Variants in CHN1 observed in about 807,000 individuals in gnomAD.
The protein encoded by CHN1 is chimerin 1.
In CHN1, 37 loss-of-function variants were observed where a neutral mutation model predicts 59.5. That is an observed-to-expected ratio of 0.62 (90% CI 0.48 to 0.82). The LOEUF (loss-of-function observed/expected upper bound fraction) is 0.82, where lower values mean the gene tolerates loss of function less well. CHN1 is among the 40% of genes least tolerant of loss of function. CHN1 has a pLI of 0.00. For missense variants in CHN1, 469 were observed against 571.0 expected (o/e 0.82, Z 1.82); for synonymous variants, 206 against 200.4 (o/e 1.03, Z -0.24).
chr2:174,949,140 C>T (rs1429528654), intron 2 of CHN1, among the ~76,000 whole-genome samples: 1 of 152,042 alleles, frequency 6.6e-6, no homozygotes, highest in African/African-American at 2.4e-5. Flanking sequence ...CCTTAAGGTA[C>T]AATTAATAAA....
chr2:174,957,457 GCA>G lies in CHN1; in HGVS notation c.20-5257_20-5256del, dbSNP rs1177726253. 1.4e-4 allele frequency among the ~76,000 whole-genome samples: 17 copies of G among 121,318 alleles called. 1 individual carries two copies. The highest frequency in any genetic ancestry group is 5.0e-4 in the African/African-American group (16 of 32,050). 79.6% of individuals were successfully genotyped at this position (121,318 alleles called of 152,430 possible). A position where few individuals can be genotyped will look rare whatever the true frequency, so the allele number is the denominator to read the frequency against. ...TAGGGTGTGTGTGTTGGGGGGGGGG[GCA>G]GTTAATTATATTGAAGTTTGTCTTA... On this transcript the variant is annotated intron_variant, in intron 1 of 12. Coordinates refer to ENST00000409900, the MANE Select transcript of CHN1 (RefSeq NM_001822.7).
chr2:174,800,426 AT>A (rs1186590652), intron 12 of CHN1, 139 bp from the exon 13 acceptor site: 1 of 558,604 alleles, frequency 1.8e-6, no homozygotes, highest in Non-Finnish European at 2.9e-6. Flanking sequence ...TTTCTCTGTA[AT>A]TTCAAAGTAC....
intron 5 of CHN1, among the ~76,000 whole-genome samples, chr2:174,881,817 G>A (rs1470320890): frequency 6.6e-6 from 1 of 152,184 alleles, no homozygotes; most frequent in African/African-American, 2.4e-5. Flanking sequence ...TAAATAGAGT[G>A]GGAAGACAAC....
In CHN1 at chr2:174,800,297, G is replaced by T. The variant is rs1380888642; in HGVS notation, c.1209-10C>A. On this transcript the variant is annotated splice_polypyrimidine_tract_variant and intron_variant, in intron 12 of 12. Coordinates refer to ENST00000409900, the MANE Select transcript of CHN1 (RefSeq NM_001822.7). ...TTCGTGGAGGGTCACTCTGAAAAAT[G>T]CAAGTACAGGAATAAATGACTTTGT... The T allele has an allele frequency of 1.4e-6, 2 of 1,428,590 alleles. No individual in the cohort carries two copies. Among genetic ancestry groups the T allele is most frequent in the Non-Finnish European group, 1.8e-6 (2 of 1,088,852 alleles). The allele number at this position is 1,428,590 out of a possible 1,614,324, so 88.5% of individuals were successfully genotyped here.
At chr2:174,986,318 A>C (rs1050021121) in intron 1 of CHN1, among the ~76,000 whole-genome samples, 4 of 152,236 alleles carry the variant, frequency 2.6e-5, no homozygotes, top group African/African-American at 9.6e-5. Context: ...TTTTTCATAA[A>C]ATATAAACCA....
At chr2:174,881,766 C>T (rs950057649) in intron 5 of CHN1, among the ~76,000 whole-genome samples, 3 of 152,190 alleles carry the variant, frequency 2.0e-5, no homozygotes, top group African/African-American at 7.2e-5. Context: ...GTGAAATTTT[C>T]TCCTGGATGT....
chr2:174,870,112 G>A (rs892846641), intron 6 of CHN1, among the ~76,000 whole-genome samples: 4 of 152,196 alleles, frequency 2.6e-5, no homozygotes, highest in Non-Finnish European at 5.9e-5. Flanking sequence ...TTTAGTGAAT[G>A]TTCACTGAAT....
intron 8 of CHN1, among the ~76,000 whole-genome samples, chr2:174,820,314 A>G (rs1210400704): frequency 2.0e-5 from 3 of 152,138 alleles, no homozygotes; most frequent in Non-Finnish European, 4.4e-5. Context: ...ATTTCTCCAC[A>G]TCCTCTCCAG....
At chr2:174,990,834 A>G (rs1020134868) in intron 1 of CHN1, among the ~76,000 whole-genome samples, 1 of 152,238 alleles carries the variant, frequency 6.6e-6, no homozygotes, top group Non-Finnish European at 1.5e-5. Context: ...GTACACATAT[A>G]TAATGACATC....
At chr2:174,966,347 A>C (rs1372124240) in intron 1 of CHN1, among the ~76,000 whole-genome samples, 2 of 152,254 alleles carry the variant, frequency 1.3e-5, no homozygotes, top group East Asian at 1.9e-4. Context: ...AAAAAAAAAA[A>C]CAAACACTTC....
At chr2:174,928,801 T>C (rs767799348) in intron 3 of CHN1, among the ~76,000 whole-genome samples, 2 of 152,204 alleles carry the variant, frequency 1.3e-5, no homozygotes, top group Non-Finnish European at 2.9e-5. Context: ...ATTTTCACTA[T>C]GTTTTCTAAA....
intron 5 of CHN1, among the ~76,000 whole-genome samples, chr2:174,900,771 C>A (rs545298098): frequency 9.2e-4 from 139 of 151,734 alleles, no homozygotes; most frequent in Non-Finnish European, 1.6e-3. Flanking sequence ...CGCCATTGCA[C>A]CCCAGCCTGG....
At chr2:174,858,467 G>A (rs1378414644) in intron 6 of CHN1, among the ~76,000 whole-genome samples, 1 of 152,132 alleles carries the variant, frequency 6.6e-6, no homozygotes, top group African/African-American at 2.4e-5. Context: ...AGAAGTACAA[G>A]CATGGGCATA....
At chr2:174,829,356 T>C (rs1685792867) in intron 7 of CHN1, among the ~76,000 whole-genome samples, 1 of 152,216 alleles carries the variant, frequency 6.6e-6, no homozygotes. Flanking sequence ...CCAAGTGTCA[T>C]GTGTCTCCTG....
Position 174,973,504 on chromosome 2 carries a change from T to C in CHN1, c.20-21302A>G, listed in dbSNP as rs144557377. Reference sequence around the variant, plus strand: ...AAAGTAAGTTCTGGGATATTTTCTATGCACAAGCAAAACAAGAGAAGACAA... The same window carrying C: ...AAAGTAAGTTCTGGGATATTTTCTACGCACAAGCAAAACAAGAGAAGACAA... On this transcript the variant is annotated intron_variant, in intron 1 of 12. Coordinates refer to ENST00000409900, the MANE Select transcript of CHN1 (RefSeq NM_001822.7). Among the ~76,000 whole-genome samples, 980 of 152,316 alleles carry C rather than the reference T, an allele frequency of 6.4e-3. 16 individuals carry two copies. Among genetic ancestry groups the C allele is most frequent in the African/African-American group, 0.022 (931 of 41,550 alleles).
intron 1 of CHN1, among the ~76,000 whole-genome samples, chr2:174,960,568 C>T (rs1690364364): frequency 6.6e-6 from 1 of 152,164 alleles, no homozygotes; most frequent in African/African-American, 2.4e-5. Flanking sequence ...TGGGGCCGGG[C>T]ACGGTGGCTC....
chr2:174,898,438 G>GA (rs34869691), intron 5 of CHN1, among the ~76,000 whole-genome samples: 58,786 of 130,608 alleles, frequency 0.45, 12,939 homozygotes, highest in Admixed American at 0.53. Context: ...CGTCTCTACT[G>GA]AAAAAAAAAA....
intron 7 of CHN1, 130 bp from the exon 8 acceptor site, chr2:174,824,648 G>A (rs1011287132): frequency 9.5e-6 from 4 of 418,994 alleles, no homozygotes; most frequent in African/African-American, 8.1e-5. Flanking sequence ...AAGAGAAATG[G>A]GGTCTCACTG....
At chr2:174,940,026 AT>A (rs1689610432) in intron 3 of CHN1, among the ~76,000 whole-genome samples, 1 of 151,916 alleles carries the variant, frequency 6.6e-6, no homozygotes, top group African/African-American at 2.4e-5. Flanking sequence ...CTTTTATTTT[AT>A]TTTATTTATT....
Sources: gnomAD v4.1 joint callset for allele counts (sites outside exome capture counted in the v4.1 genomes callset) on GRCh38, gnomAD v4.1.1 for gene constraint, MANE v1.5 for transcripts, NCBI Gene and HGNC (gene_info 2026-07-23, HGNC 2026-07-21) for gene names.